Variants in EFNA5 observed in about 807,000 individuals in gnomAD.
The protein encoded by EFNA5 is ephrin-A5.
Under a neutral mutation model 22.9 loss-of-function variants are expected in EFNA5, and 5 were observed. The ratio of observed to expected loss-of-function variants is 0.22; its 90% confidence interval spans 0.11 to 0.46. EFNA5 has a LOEUF of 0.46. Ranked by LOEUF, EFNA5 falls within the 20% of genes least tolerant of loss-of-function variation. The pLI, the probability that EFNA5 is intolerant of heterozygous loss-of-function variation, is 0.99. For synonymous variants in EFNA5, 113 were observed against 112.2 expected, an observed-to-expected ratio of 1.01 and a Z score of -0.04; for missense variants, 237 against 293.3, an observed-to-expected ratio of 0.81 and a Z score of 1.40.
At chr5:107,482,254 C>T (rs771346350) in intron 1 of EFNA5, among the ~76,000 whole-genome samples, 2 of 149,378 alleles carry the variant, frequency 1.3e-5, no homozygotes, top group African/African-American at 2.5e-5. Context: ...TGCAGTGAGC[C>T]GAGGTCGTGC....
intron 1 of EFNA5, among the ~76,000 whole-genome samples, chr5:107,603,645 G>T (rs1264880707): frequency 6.6e-6 from 1 of 152,156 alleles, no homozygotes; most frequent in Admixed American, 6.5e-5. Flanking sequence ...TGTTTTACAT[G>T]TGTTTCCCAT....
chr5:107,660,261 C>CATATATATATATAAATATATATAT (rs1163908363), intron 1 of EFNA5, among the ~76,000 whole-genome samples: 2 of 52,452 alleles, frequency 3.8e-5, no homozygotes, highest in Non-Finnish European at 7.8e-5. Context: ...ATGGCAAAAA[C>CATATATATATATAAATATATATAT]ATATATATAT....
At chr5:107,429,107 G>A (rs183323224) in intron 1 of EFNA5, among the ~76,000 whole-genome samples, 6 of 151,966 alleles carry the variant, frequency 3.9e-5, no homozygotes, top group African/African-American at 1.2e-4. Context: ...ACATAATAAC[G>A]ACCTCTGACA....
intron 4 of EFNA5, among the ~76,000 whole-genome samples, chr5:107,381,890 A>C (rs1344158450): frequency 6.6e-6 from 1 of 152,224 alleles, no homozygotes; most frequent in Non-Finnish European, 1.5e-5. Context: ...TCAAACATGA[A>C]AAACTAAATG....
intron 1 of EFNA5, among the ~76,000 whole-genome samples, chr5:107,563,973 C>T (rs1748606768): frequency 6.6e-6 from 1 of 152,226 alleles, no homozygotes; most frequent in South Asian, 2.1e-4. Context: ...TTGAGAACCT[C>T]CTCCTTGGGA....
intron 2 of EFNA5, among the ~76,000 whole-genome samples, chr5:107,407,894 T>C (rs543226520): frequency 5.7e-4 from 87 of 152,196 alleles, no homozygotes; most frequent in Non-Finnish European, 1.0e-3. Flanking sequence ...TTCTCAAATA[T>C]ATGGTCAGAG....
At chr5:107,476,057 T>TGTATACATATATATATATGTATGTATA in intron 1 of EFNA5, among the ~76,000 whole-genome samples, 5 of 100,432 alleles carry the variant, frequency 5.0e-5, no homozygotes, top group African/African-American at 2.5e-4. Context: ...TATATATATA[T>TGTATACATATATATATATGTATGTATA]TTTTTTTTTT....
intron 1 of EFNA5, among the ~76,000 whole-genome samples, chr5:107,504,721 AG>A (rs1309758531): frequency 6.6e-6 from 1 of 152,150 alleles, no homozygotes; most frequent in Non-Finnish European, 1.5e-5. Flanking sequence ...TACATGAAAA[AG>A]TGTTGTCGAA....
intron 1 of EFNA5, among the ~76,000 whole-genome samples, chr5:107,551,968 A>G (rs1748309667): frequency 6.6e-6 from 1 of 152,176 alleles, no homozygotes; most frequent in South Asian, 2.1e-4. Context: ...CTGTCTCCAT[A>G]TGACCAACAC....
intron 1 of EFNA5, among the ~76,000 whole-genome samples, chr5:107,495,804 A>G (rs1040578556): frequency 2.0e-5 from 3 of 152,156 alleles, no homozygotes; most frequent in African/African-American, 7.2e-5. Context: ...CCTATTATAT[A>G]CAATGGTTAT....
At chr5:107,401,467 A>T (rs1222884136) in intron 2 of EFNA5, among the ~76,000 whole-genome samples, 2 of 152,244 alleles carry the variant, frequency 1.3e-5, no homozygotes, top group African/African-American at 4.8e-5. Context: ...TTTTAAAAAG[A>T]TTAAAAAAGT....
intron 1 of EFNA5, among the ~76,000 whole-genome samples, chr5:107,639,738 CAAAT>C (rs1750461737): frequency 6.6e-6 from 1 of 151,914 alleles, no homozygotes; most frequent in South Asian, 2.1e-4. Context: ...AAACAGTAAA[CAAAT>C]AAGCCTCCAT....
At position 107,468,013 on chromosome 5, in the gene EFNA5, T is replaced by C. The variant is rs944640944; in HGVS notation, c.126-40504A>G. On this transcript the variant is annotated intron_variant, in intron 1 of 4. Coordinates refer to ENST00000333274, the MANE Select transcript of EFNA5 (RefSeq NM_001962.3). The stretch of plus-strand genomic sequence containing the variant: ...CTTTCAATTATGACATAGCATTTTG[T>C]TCTATTTTCATGATCACACTTCGTT... 3.3e-5 allele frequency among the ~76,000 whole-genome samples: 5 copies of C among 152,342 alleles called. No individual in the cohort carries two copies. The East Asian group carries it at 9.6e-4, about 29-fold the overall frequency.
intron 2 of EFNA5, 191 bp downstream of exon 2, chr5:107,427,026 C>G (rs186304627): frequency 2.1e-5 from 13 of 618,428 alleles, no homozygotes; most frequent in Admixed American, 5.8e-5. Context: ...TAGGGGGAGA[C>G]GCGCTCTGTC....
At chr5:107,667,378 C>T (rs1751099786) in intron 1 of EFNA5, among the ~76,000 whole-genome samples, 1 of 151,852 alleles carries the variant, frequency 6.6e-6, no homozygotes, top group Non-Finnish European at 1.5e-5. Flanking sequence ...ATTCTGACAG[C>T]AAATAAATTT....
At chr5:107,592,189 A>G (rs1458128451) in intron 1 of EFNA5, among the ~76,000 whole-genome samples, 1 of 145,538 alleles carries the variant, frequency 6.9e-6, no homozygotes, top group African/African-American at 2.6e-5. Flanking sequence ...GGCAAGCCCA[A>G]AATATATTCC....
chr5:107,380,973 A>G lies in EFNA5; in HGVS notation c.*282T>C. 4.2e-6 allele frequency: 2 copies of G among 480,360 alleles called. No homozygotes were observed. Among genetic ancestry groups the G allele is most frequent in the Non-Finnish European group, 7.4e-6 (2 of 271,362 alleles). The allele number at this position is 480,360 out of a possible 1,614,324, so 29.8% of individuals were successfully genotyped here. A position where few individuals can be genotyped will look rare whatever the true frequency, so the allele number is the denominator to read the frequency against. ...CTGACGAACCACTGGTGTCACTATG[A>G]CAATTTGGCATTTTCATCTGGAGTC... On this transcript the variant is annotated 3_prime_UTR_variant, in exon 5 of 5. Coordinates refer to ENST00000333274, the MANE Select transcript of EFNA5 (RefSeq NM_001962.3).
intron 4 of EFNA5, among the ~76,000 whole-genome samples, chr5:107,383,663 C>T (rs576699131): frequency 6.6e-6 from 1 of 152,166 alleles, no homozygotes; most frequent in African/African-American, 2.4e-5. Flanking sequence ...CCTTGTATAG[C>T]TTGCAAGTGT....
At chr5:107,519,870 C>A (rs1236750796) in intron 1 of EFNA5, among the ~76,000 whole-genome samples, 1 of 152,224 alleles carries the variant, frequency 6.6e-6, no homozygotes, top group Admixed American at 6.5e-5. Flanking sequence ...AGTTTCCTTT[C>A]TCTTTGAACT....
Sources: allele counts gnomAD v4.1 joint callset (sites outside exome capture counted in the v4.1 genomes callset), GRCh38; gene constraint gnomAD v4.1.1; transcripts MANE v1.5; gene names NCBI Gene and HGNC (gene_info 2026-07-23, HGNC 2026-07-21).